The following CSMD1 variants were observed in gnomAD, a reference collection of about 807,000 sequenced individuals.
The protein encoded by CSMD1 is CUB and sushi domain-containing protein 1.
Under a neutral mutation model 417.5 loss-of-function variants are expected in CSMD1, and 213 were observed. That is an observed-to-expected ratio of 0.51 (90% CI 0.46 to 0.57). The LOEUF is 0.57. Among genes scored for constraint, CSMD1 ranks in the 20% least tolerant of loss-of-function variants. CSMD1 has a pLI of 0.00. For synonymous variants in CSMD1, 2,862 were observed against 1,736.8 expected, an observed-to-expected ratio of 1.65 and a Z score of -16.11; for missense variants, 6,923 against 4,529.7, an observed-to-expected ratio of 1.53 and a Z score of -15.17.
intron 2 of CSMD1, among the ~76,000 whole-genome samples, chr8:4,584,068 T>C (rs1377578270): frequency 6.6e-6 from 1 of 151,666 alleles, no homozygotes; most frequent in Non-Finnish European, 1.5e-5. Context: ...GCAGTTTCAC[T>C]CCTGAGCCAG....
intron 10 of CSMD1, among the ~76,000 whole-genome samples, chr8:3,568,744 T>C (rs944579110): frequency 2.0e-5 from 3 of 152,096 alleles, no homozygotes; most frequent in African/African-American, 7.2e-5. Flanking sequence ...CACATATATA[T>C]ATGTATGCAT....
intron 26 of CSMD1, among the ~76,000 whole-genome samples, chr8:3,252,448 GTTGGATTCACTT>G (rs1453044758): frequency 6.6e-6 from 1 of 152,098 alleles, no homozygotes; most frequent in African/African-American, 2.4e-5. Flanking sequence ...TTGATATATT[GTTGGATTCACTT>G]TGCCAGTATT....
intron 5 of CSMD1, among the ~76,000 whole-genome samples, chr8:3,987,356 T>C (rs1218512519): frequency 2.6e-5 from 4 of 152,222 alleles, no homozygotes; most frequent in African/African-American, 7.2e-5. Context: ...TGCAACTGCA[T>C]TGCTTATTTG....
chr8:4,442,407 C>T (rs567382517), intron 2 of CSMD1, among the ~76,000 whole-genome samples: 1 of 152,220 alleles, frequency 6.6e-6, no homozygotes, highest in East Asian at 1.9e-4. Flanking sequence ...GTTTCCAGTC[C>T]CCACTGTATA....
At chr8:3,394,736 G>C (rs1409707691) in intron 17 of CSMD1, among the ~76,000 whole-genome samples, 2 of 152,124 alleles carry the variant, frequency 1.3e-5, no homozygotes, top group Non-Finnish European at 2.9e-5. Flanking sequence ...AAAGAGAAGT[G>C]ACAACTCGAA....
At chr8:4,532,500 G>A (rs1347831424) in intron 2 of CSMD1, among the ~76,000 whole-genome samples, 22 of 134,744 alleles carry the variant, frequency 1.6e-4, no homozygotes, top group Middle Eastern at 5.4e-3. Context: ...GAGAAATCCC[G>A]CACCCCCATT....
At chr8:4,733,569 G>T (rs1810037415) in intron 1 of CSMD1, among the ~76,000 whole-genome samples, 1 of 152,190 alleles carries the variant, frequency 6.6e-6, no homozygotes, top group Admixed American at 6.5e-5. Context: ...AAGCTATGTG[G>T]TGTAAGACGT....
intron 2 of CSMD1, among the ~76,000 whole-genome samples, chr8:4,610,349 T>C (rs955010172): frequency 6.6e-5 from 10 of 152,200 alleles, no homozygotes; most frequent in African/African-American, 2.4e-4. Flanking sequence ...TGTAAGCATG[T>C]GAGTCACATC....
intron 1 of CSMD1, among the ~76,000 whole-genome samples, chr8:4,709,788 G>C (rs938771624): frequency 6.6e-6 from 1 of 152,154 alleles, no homozygotes; most frequent in Non-Finnish European, 1.5e-5. Flanking sequence ...GAAGTCACAG[G>C]GGAAAGAGGC....
rs536671214 is a variant in CSMD1 at position 3,237,634 on chromosome 8, C to T, written c.4154-7403G>A. On this transcript the variant is annotated intron_variant, in intron 26 of 69. Transcript: ENST00000635120. ...TTATACTATAAATATATTTTTTATA[C>T]TTATACTATAATTTTTTAAATTATA... Among the ~76,000 whole-genome samples the T allele has an allele frequency of 6.5e-4, 89 of 136,140 alleles. 3 individuals are homozygous for T. Among genetic ancestry groups the T allele is most frequent in the East Asian group, 8.9e-4 (4 of 4,506 alleles). 89.3% of individuals were successfully genotyped at this position (136,140 alleles called of 152,430 possible).
chr8:3,406,631 C>G (rs1466361958), intron 14 of CSMD1, among the ~76,000 whole-genome samples: 1 of 152,116 alleles, frequency 6.6e-6, no homozygotes, highest in Non-Finnish European at 1.5e-5. Context: ...GCCTAGCTAT[C>G]TTTATTTACA....
intron 1 of CSMD1, among the ~76,000 whole-genome samples, chr8:4,830,752 T>C (rs1402684904): frequency 2.6e-5 from 4 of 152,208 alleles, no homozygotes; most frequent in African/African-American, 9.7e-5. Context: ...ACCATTGGAC[T>C]TTAAGAAATA....
At chr8:4,366,896 G>T (rs1198369339) in intron 3 of CSMD1, among the ~76,000 whole-genome samples, 1 of 151,890 alleles carries the variant, frequency 6.6e-6, no homozygotes, top group Non-Finnish European at 1.5e-5. Flanking sequence ...TAATAGGGTT[G>T]TTTTTCGTTT....
chr8:3,120,962 T>C (rs546256541), intron 41 of CSMD1, among the ~76,000 whole-genome samples: 1 of 152,228 alleles, frequency 6.6e-6, no homozygotes, highest in East Asian at 1.9e-4. Flanking sequence ...AAAAAATCAG[T>C]TGTAATATTA....
intron 7 of CSMD1, among the ~76,000 whole-genome samples, chr8:3,664,065 G>T (rs771708622): frequency 1.3e-5 from 2 of 152,196 alleles, no homozygotes; most frequent in East Asian, 1.9e-4. Flanking sequence ...AAGTTCTAGG[G>T]TACATGTGCA....
At chr8:4,110,276 G>C (rs1801782093) in intron 3 of CSMD1, among the ~76,000 whole-genome samples, 1 of 152,138 alleles carries the variant, frequency 6.6e-6, no homozygotes, top group Non-Finnish European at 1.5e-5. Context: ...ATGATATACT[G>C]TGAGAAGCAA....
rs550682724 is a variant in CSMD1, at chr8:4,769,175, T to C, written c.86-131617A>G. Among the ~76,000 whole-genome samples, 167 of 152,324 alleles carry C rather than the reference T, an allele frequency of 1.1e-3. 2 individuals are homozygous for C. The highest frequency in any genetic ancestry group is 3.9e-3 in the African/African-American group (161 of 41,584). On this transcript the variant is annotated intron_variant, in intron 1 of 69. Transcript: ENST00000635120. Reference sequence around the variant, plus strand: ...CTTTCTTGATTTTAGCTTTGTAAGATGTGGCTAATAACACCACATACCTCA... The same window carrying C: ...CTTTCTTGATTTTAGCTTTGTAAGACGTGGCTAATAACACCACATACCTCA...
At chr8:4,210,359 T>G (rs1344978843) in intron 3 of CSMD1, among the ~76,000 whole-genome samples, 1 of 152,246 alleles carries the variant, frequency 6.6e-6, no homozygotes, top group Non-Finnish European at 1.5e-5. Context: ...GATACCAACT[T>G]TGAGACATTC....
At chr8:4,293,793 G>C (rs974563535) in intron 3 of CSMD1, among the ~76,000 whole-genome samples, 1 of 152,140 alleles carries the variant, frequency 6.6e-6, no homozygotes, top group Non-Finnish European at 1.5e-5. Context: ...AAGGAACATT[G>C]AAGCAAAATG....
Sources: allele counts gnomAD v4.1 joint callset (sites outside exome capture counted in the v4.1 genomes callset), GRCh38; gene constraint gnomAD v4.1.1; transcripts MANE v1.5; gene names NCBI Gene and HGNC (gene_info 2026-07-23, HGNC 2026-07-21).